ENAH: variants seen among roughly 807,000 people sequenced by gnomAD.
ENAH encodes protein enabled homolog.
ENAH carries 23 observed loss-of-function variants against 78.7 expected under a neutral mutation model. That is an observed-to-expected ratio of 0.29 (90% CI 0.21 to 0.41). The LOEUF (loss-of-function observed/expected upper bound fraction) is 0.41. ENAH is among the 10% of genes least tolerant of loss of function. ENAH has a pLI of 1.00. For synonymous variants in ENAH, 226 were observed against 241.0 expected (o/e 0.94, Z 0.58); for missense variants, 544 against 691.0 (o/e 0.79, Z 2.39).
intron 1 of ENAH, among the ~76,000 whole-genome samples, chr1:225,594,590 G>A (rs2147929800): frequency 6.6e-6 from 1 of 152,256 alleles, no homozygotes; most frequent in East Asian, 1.9e-4. Flanking sequence ...TTGTTGATTA[G>A]ACTATACACT....
At chr1:225,515,607 A>G (rs1349635910) in intron 6 of ENAH, among the ~76,000 whole-genome samples, 1 of 152,242 alleles carries the variant, frequency 6.6e-6, no homozygotes, top group Non-Finnish European at 1.5e-5. Flanking sequence ...CAAATGTTAT[A>G]AAATCACAAA....
At chr1:225,646,016 C>G (rs534449919) in intron 1 of ENAH, among the ~76,000 whole-genome samples, 1 of 152,256 alleles carries the variant, frequency 6.6e-6, no homozygotes, top group South Asian at 2.1e-4. Flanking sequence ...AAAGAGATTT[C>G]TAGAAAATTT....
intron 1 of ENAH, among the ~76,000 whole-genome samples, chr1:225,571,024 G>T (rs997872223): frequency 6.6e-5 from 10 of 151,956 alleles, no homozygotes; most frequent in Non-Finnish European, 1.5e-4. Flanking sequence ...ACTGTTTATG[G>T]ATATCTATAA....
intron 1 of ENAH, among the ~76,000 whole-genome samples, chr1:225,615,276 C>T (rs942914000): frequency 2.6e-5 from 4 of 152,234 alleles, no homozygotes; most frequent in African/African-American, 9.6e-5. Context: ...AGCTCCTGAC[C>T]GCGAGTGATC....
chr1:225,583,344 G>A (rs1026174923), intron 1 of ENAH, among the ~76,000 whole-genome samples: 3 of 151,150 alleles, frequency 2.0e-5, no homozygotes, highest in Non-Finnish European at 4.4e-5. Context: ...GCTGAGGTGG[G>A]AGAATTGCTT....
At chr1:225,539,967 T>C (rs983641285) in intron 3 of ENAH, among the ~76,000 whole-genome samples, 1 of 152,224 alleles carries the variant, frequency 6.6e-6, no homozygotes, top group African/African-American at 2.4e-5. Flanking sequence ...TTATTGTATA[T>C]GCTTTTTTCT....
chr1:225,514,629 T>G lies in ENAH; in HGVS notation c.1185A>C (p.Ala395=). ...CTTTCCTAAGTTTTGCTCCGGCAAT[T>G]GCAGCTGCAAGTCCAGTTAAAGGGC... ...DNRPLTGLAA[A]IAGAKLRKVS... Residue 395 remains alanine (A), a synonymous_variant, in exon 7 of 14, where the codon GCA becomes GCC. Coordinates refer to ENST00000366843, the MANE Select transcript of ENAH (RefSeq NM_018212.6). 6.2e-7 allele frequency: 1 copy of G among 1,612,018 alleles called. No homozygotes were observed. Among genetic ancestry groups the G allele is most frequent in the Non-Finnish European group, 8.5e-7 (1 of 1,179,840 alleles).
In ENAH at chr1:225,493,279, C is replaced by CTT. The variant is rs983934507; in HGVS notation, c.*4494_*4495dup. On this transcript the variant is annotated 3_prime_UTR_variant, in exon 14 of 14. Transcript: ENST00000366843. ...ACAGTTCTTGGCTTCTATAAACGGA[C>CTT]TTTCTTGAGGGGTTACTGACTTCAG... The CTT allele has an allele frequency of 4.6e-5, 7 of 152,136 alleles. No homozygotes were observed. The highest frequency in any genetic ancestry group is 8.8e-5 in the Non-Finnish European group (6 of 68,018). The allele number at this position is 152,136 out of a possible 1,614,324, so 9.4% of individuals were successfully genotyped here. A position where few individuals can be genotyped will look rare whatever the true frequency, so the allele number is the denominator to read the frequency against.
chr1:225,520,414 A>T (rs2151179492), intron 4 of ENAH, among the ~76,000 whole-genome samples: 1 of 152,320 alleles, frequency 6.6e-6, no homozygotes, highest in East Asian at 1.9e-4. Context: ...AAAGACACAC[A>T]TCTATATATA....
chr1:225,614,061 AT>A (rs71574533), intron 1 of ENAH, among the ~76,000 whole-genome samples: 2,710 of 143,946 alleles, frequency 0.019, 65 homozygotes, highest in African/African-American at 0.054. Flanking sequence ...TATTAGAAAG[AT>A]TTTTTTTTTT....
intron 1 of ENAH, chr1:225,580,267 G>A (rs1331075013): frequency 6.6e-6 from 1 of 151,776 alleles, no homozygotes; most frequent in Admixed American, 6.6e-5. Flanking sequence ...CATCTAGCTT[G>A]CCACCACCTT....
At chr1:225,520,606 C>G (rs937180819) in intron 4 of ENAH, among the ~76,000 whole-genome samples, 3 of 152,040 alleles carry the variant, frequency 2.0e-5, no homozygotes, top group Admixed American at 6.5e-5. Flanking sequence ...AGCTGTAATC[C>G]TAGCACTTTG....
At chr1:225,631,260 A>G (rs1161799566) in intron 1 of ENAH, among the ~76,000 whole-genome samples, 1 of 152,082 alleles carries the variant, frequency 6.6e-6, no homozygotes, top group Non-Finnish European at 1.5e-5. Context: ...AACCCCACCA[A>G]GGCTGAGAAG....
chr1:225,589,882 C>G (rs1196251280), intron 1 of ENAH, among the ~76,000 whole-genome samples: 1 of 152,058 alleles, frequency 6.6e-6, no homozygotes, highest in Non-Finnish European at 1.5e-5. Context: ...TGTGTGCACT[C>G]CCCGTGCAGC....
In ENAH at chr1:225,512,873, C is replaced by T. The variant is rs756950483; in HGVS notation, c.1362G>A (p.Arg454=). ...LMEEMSALLA[R]RRRIAEKGST... is the part of the protein sequence containing the mutation. ...TCCATTATAATGAAATTCCTTACCT[C>T]CTGGCCAGCAGGGCACTCATTTCTT... The change falls in exon 8 of 14, where the codon AGG becomes AGA. Residue 454 remains arginine (R), a splice_region_variant and synonymous_variant. Transcript: ENST00000366843. 7 of 1,612,976 alleles carry T rather than the reference C, an allele frequency of 4.3e-6. No homozygotes were observed. The highest frequency in any genetic ancestry group is 1.7e-5 in the Admixed American group (1 of 59,782).
At chr1:225,537,184 T>C (rs2096566014) in intron 3 of ENAH, among the ~76,000 whole-genome samples, 1 of 152,058 alleles carries the variant, frequency 6.6e-6, no homozygotes, top group African/African-American at 2.4e-5. Flanking sequence ...ACCTGAGAAA[T>C]TATCTCTTCT....
At chr1:225,648,760 T>C (rs1662438101) in intron 1 of ENAH, among the ~76,000 whole-genome samples, 1 of 140,788 alleles carries the variant, frequency 7.1e-6, no homozygotes, top group Non-Finnish European at 1.6e-5. Flanking sequence ...ATTATCTCCT[T>C]TTTTTTTTTT....
intron 2 of ENAH, among the ~76,000 whole-genome samples, chr1:225,556,408 TG>T (rs1032784626): frequency 4.7e-4 from 71 of 152,342 alleles, no homozygotes; most frequent in African/African-American, 1.7e-3. Flanking sequence ...GCAATTCTGG[TG>T]GGTATGAATG....
At chr1:225,550,431 C>T (rs896450445) in intron 3 of ENAH, among the ~76,000 whole-genome samples, 3 of 152,110 alleles carry the variant, frequency 2.0e-5, no homozygotes, top group African/African-American at 7.2e-5. Flanking sequence ...ATAAAAAATA[C>T]GCTTTACTGA....
Sources: allele counts gnomAD v4.1 joint callset (sites outside exome capture counted in the v4.1 genomes callset), GRCh38; gene constraint gnomAD v4.1.1; transcripts MANE v1.5; gene names NCBI Gene and HGNC (gene_info 2026-07-23, HGNC 2026-07-21).